RGS6: variants seen among roughly 807,000 people sequenced by gnomAD.
RGS6 encodes regulator of G protein signaling 6, also known as regulator of G-protein signaling 6.
RGS6 carries 30 observed loss-of-function variants against 78.5 expected under a neutral mutation model. The ratio of observed to expected loss-of-function variants is 0.38; its 90% CI spans 0.29 to 0.52. The LOEUF (loss-of-function observed/expected upper bound fraction) is 0.52. Ranked by LOEUF, RGS6 falls within the 20% of genes least tolerant of loss-of-function variation. The probability of loss-of-function intolerance (pLI) is 0.85; values close to 1 mark genes in which losing one functional copy is unlikely to be tolerated. For synonymous variants in RGS6, 206 were observed against 206.0 expected, an observed-to-expected ratio of 1.00 and a Z score of 0.00; for missense variants, 495 against 609.7, an observed-to-expected ratio of 0.81 and a Z score of 1.98.
At chr14:72,066,725 C>T (rs2094166002) in intron 2 of RGS6, among the ~76,000 whole-genome samples, 1 of 151,588 alleles carries the variant, frequency 6.6e-6, no homozygotes, top group African/African-American at 2.4e-5. Flanking sequence ...AAAAAAAATA[C>T]AGTTTCCGAT....
chr14:72,413,331 T>C (rs1035363386), intron 3 of RGS6, among the ~76,000 whole-genome samples: 1 of 152,250 alleles, frequency 6.6e-6, no homozygotes, highest in Admixed American at 6.5e-5. Flanking sequence ...AATAGCCTTC[T>C]TTGTCTCTTT....
chr14:72,222,175 T>G (rs528759649), intron 2 of RGS6, among the ~76,000 whole-genome samples: 2 of 152,308 alleles, frequency 1.3e-5, no homozygotes, highest in South Asian at 4.1e-4. Context: ...CTGTCTGAGC[T>G]TAGTTAATGT....
intron 3 of RGS6, among the ~76,000 whole-genome samples, chr14:72,430,699 G>T (rs2094594278): frequency 6.6e-6 from 1 of 152,168 alleles, no homozygotes; most frequent in African/African-American, 2.4e-5. Context: ...TTTTCTGTGT[G>T]GTGTTGTTGT....
chr14:72,518,313 G>C, intron 14 of RGS6, 38 bp from the exon 15 acceptor site: 1 of 1,588,696 alleles, frequency 6.3e-7, no homozygotes. Context: ...CCGATGCTGA[G>C]CCCCCTGGAA....
intron 3 of RGS6, among the ~76,000 whole-genome samples, chr14:72,354,742 T>C (rs983767940): frequency 7.9e-5 from 12 of 152,130 alleles, no homozygotes; most frequent in African/African-American, 2.9e-4. Context: ...TGCCATCATG[T>C]TGGGGATTAG....
the RGS6 span, among the ~76,000 whole-genome samples, chr14:72,587,587 C>T: frequency 6.6e-6 from 1 of 152,130 alleles, no homozygotes; most frequent in African/African-American, 2.4e-5. Context: ...ACAAGGAGGC[C>T]TGAAGAGTCT....
chr14:72,573,565 G>C, the RGS6 span, among the ~76,000 whole-genome samples: 1 of 152,240 alleles, frequency 6.6e-6, no homozygotes, highest in African/African-American at 2.4e-5. Context: ...CTTTGAGCTT[G>C]AGAACACTAG....
At chr14:72,115,437 T>A (rs915687716) in intron 2 of RGS6, among the ~76,000 whole-genome samples, 3 of 152,080 alleles carry the variant, frequency 2.0e-5, no homozygotes, top group Admixed American at 1.3e-4. Flanking sequence ...GAAACCCACA[T>A]TGGTCTCTTG....
intron 2 of RGS6, among the ~76,000 whole-genome samples, chr14:72,131,956 G>T (rs760343915): frequency 6.6e-6 from 1 of 152,142 alleles, no homozygotes; most frequent in Non-Finnish European, 1.5e-5. Context: ...AATCCTAGGC[G>T]ATCTTCATGA....
chr14:72,108,923 T>C (rs1263887208), intron 2 of RGS6, among the ~76,000 whole-genome samples: 1 of 152,168 alleles, frequency 6.6e-6, no homozygotes, highest in East Asian at 1.9e-4. Context: ...CGTTTTCCTC[T>C]TTTATCCTTA....
At chr14:72,508,291 G>T (rs998699077) in intron 13 of RGS6, among the ~76,000 whole-genome samples, 1 of 152,042 alleles carries the variant, frequency 6.6e-6, no homozygotes, top group South Asian at 2.1e-4. Context: ...GTTTGGATGC[G>T]GTATGTCTAG....
intron 2 of RGS6, among the ~76,000 whole-genome samples, chr14:72,218,296 A>G (rs538019436): frequency 6.6e-6 from 1 of 152,276 alleles, no homozygotes; most frequent in Admixed American, 6.5e-5. Flanking sequence ...ACAGTTGATT[A>G]TCATGATTCC....
At chr14:72,359,495 T>G (rs938160803) in intron 3 of RGS6, among the ~76,000 whole-genome samples, 1 of 152,144 alleles carries the variant, frequency 6.6e-6, no homozygotes, top group Non-Finnish European at 1.5e-5. Context: ...TATTCCAGTA[T>G]GTGGATTTGG....
rs1311088429 is a variant in RGS6, at chr14:72,399,626, C to T, written c.184+47432C>T. On this transcript the variant is annotated intron_variant, in intron 3 of 17. Transcript: ENST00000553525. Reference sequence around the variant, plus strand: ...AGTTGATGCAGTTTCTTCCTAGCATCAATGGTCTTTACAATTTGGCATGTT... The same window carrying T: ...AGTTGATGCAGTTTCTTCCTAGCATTAATGGTCTTTACAATTTGGCATGTT... Among the ~76,000 whole-genome samples, 13 of 152,274 alleles carry T rather than the reference C, an allele frequency of 8.5e-5. No individual in the cohort carries two copies. In the Middle Eastern group the frequency reaches 0.014, roughly 159 times the overall value.
At chr14:72,037,569 A>G (rs1002984845) in intron 2 of RGS6, among the ~76,000 whole-genome samples, 1 of 152,208 alleles carries the variant, frequency 6.6e-6, no homozygotes, top group Admixed American at 6.5e-5. Context: ...CAGACACAGT[A>G]TGAGATTTAG....
chr14:72,530,385 C>G (rs2097167648), intron 15 of RGS6, among the ~76,000 whole-genome samples: 1 of 152,188 alleles, frequency 6.6e-6, no homozygotes. Context: ...TGTACCTAAG[C>G]TTTAAATGTT....
intron 14 of RGS6, among the ~76,000 whole-genome samples, chr14:72,512,973 A>G (rs1248313542): frequency 6.6e-6 from 1 of 152,182 alleles, no homozygotes; most frequent in Admixed American, 6.5e-5. Context: ...GTTGTGCAAT[A>G]TGGCACAACT....
intron 2 of RGS6, among the ~76,000 whole-genome samples, chr14:72,043,570 T>C (rs2092604404): frequency 6.6e-6 from 1 of 152,216 alleles, no homozygotes; most frequent in African/African-American, 2.4e-5. Flanking sequence ...CTCCATTCTC[T>C]TCTTGCATGG....
At chr14:72,400,582 G>GA (rs2092265047) in intron 3 of RGS6, among the ~76,000 whole-genome samples, 1 of 152,118 alleles carries the variant, frequency 6.6e-6, no homozygotes, top group African/African-American at 2.4e-5. Flanking sequence ...TTAATAGAAA[G>GA]AAAAAATAAA....
Sources: allele counts gnomAD v4.1 joint callset (sites outside exome capture counted in the v4.1 genomes callset), GRCh38; gene constraint gnomAD v4.1.1; transcripts MANE v1.5; gene names NCBI Gene and HGNC (gene_info 2026-07-23, HGNC 2026-07-21).